Variants in GAB1 observed in about 807,000 individuals in gnomAD.
GAB1 encodes GRB2-associated-binding protein 1.
In GAB1, 19 loss-of-function variants were observed where a neutral mutation model predicts 66.5. The ratio of observed to expected loss-of-function variants is 0.29; its 90% CI spans 0.20 to 0.42. GAB1 has a LOEUF of 0.42. Ranked by LOEUF, GAB1 falls within the 10% of genes least tolerant of loss-of-function variation. The pLI is 1.00. For synonymous variants in GAB1, 294 were observed against 301.4 expected (o/e 0.98, Z 0.25); for missense variants, 732 against 858.5 (o/e 0.85, Z 1.84).
In GAB1 at chr4:143,337,172, C is replaced by T; in HGVS notation, c.-17C>T. ...CGCCCCTCAGCTGCCCGGCCCGGAGCCCGAGACGCGCGCACCATGAGCGGT... is the reference window on the plus strand; with the variant it reads ...CGCCCCTCAGCTGCCCGGCCCGGAGTCCGAGACGCGCGCACCATGAGCGGT... On this transcript the variant is annotated 5_prime_UTR_variant, in exon 1 of 10. Transcript: ENST00000262994. 6.4e-7 allele frequency: 1 copy of T among 1,566,488 alleles called. No homozygotes were observed.
chr4:143,354,533 A>G (rs1729364343), intron 1 of GAB1, among the ~76,000 whole-genome samples: 1 of 152,154 alleles, frequency 6.6e-6, no homozygotes, highest in Non-Finnish European at 1.5e-5. Context: ...AAAGGGTTAC[A>G]AAATATTAGG....
chr4:143,457,770 G>GT, intron 6 of GAB1: 1 of 1,523,918 alleles, frequency 6.6e-7, no homozygotes, highest in Non-Finnish European at 8.9e-7. Context: ...AGAAGAAAGG[G>GT]TATGTACTTT....
intron 1 of GAB1, among the ~76,000 whole-genome samples, chr4:143,371,056 A>G (rs1730100612): frequency 6.6e-6 from 1 of 152,216 alleles, no homozygotes; most frequent in Admixed American, 6.5e-5. Context: ...TCCTTTGGGT[A>G]TATACCCAGT....
chr4:143,344,105 T>TAC (rs1322514057), intron 1 of GAB1, among the ~76,000 whole-genome samples: 2 of 152,202 alleles, frequency 1.3e-5, no homozygotes, highest in Non-Finnish European at 2.9e-5. Flanking sequence ...GCAGTTAGTT[T>TAC]ACAACAGAGA....
chr4:143,465,044 A>C (rs1307508448), intron 8 of GAB1, among the ~76,000 whole-genome samples: 1 of 152,226 alleles, frequency 6.6e-6, no homozygotes, highest in East Asian at 1.9e-4. Context: ...AACAGTGCAC[A>C]AGGATGAAAT....
chr4:143,409,433 T>G (rs1560749181), intron 1 of GAB1, among the ~76,000 whole-genome samples: 6 of 146,830 alleles, frequency 4.1e-5, no homozygotes. Context: ...AGTGGCTGTC[T>G]GTGATGATTA....
intron 1 of GAB1, among the ~76,000 whole-genome samples, chr4:143,399,649 T>A (rs1731652497): frequency 6.6e-6 from 1 of 152,228 alleles, no homozygotes; most frequent in African/African-American, 2.4e-5. Context: ...GCTCCTTCTC[T>A]ATACTGTGGC....
intron 1 of GAB1, among the ~76,000 whole-genome samples, chr4:143,365,730 C>G (rs924866507): frequency 3.9e-5 from 6 of 152,214 alleles, no homozygotes; most frequent in African/African-American, 1.2e-4. Context: ...CTTAAGGGAG[C>G]TTTCGTGGCT....
rs150180808 is a variant in GAB1 at position 143,452,896 on chromosome 4, A to G, written c.1586-6489A>G. Among the ~76,000 whole-genome samples the G allele has an allele frequency of 5.6e-3, 850 of 152,250 alleles. 10 individuals are homozygous for G. The highest frequency in any genetic ancestry group is 0.019 in the African/African-American group (798 of 41,526). ...TTCTCAGAATTTAAGAGTCACCAAA[A>G]TTGGTTTATTTTTGCCTTTGCTTTA... On this transcript the variant is annotated intron_variant, in intron 6 of 9. Transcript: ENST00000262994.
rs1734390954 is a variant in GAB1 at position 143,444,253 on chromosome 4, T to C, written c.1585+3871T>C. ...CCCCCATCTCTGTCTAGTCTCTGTC[T>C]AGCATGATGCAGCAGCTGTGTGAGC... On this transcript the variant is annotated intron_variant, in intron 6 of 9. Coordinates refer to ENST00000262994, the MANE Select transcript of GAB1 (RefSeq NM_002039.4). Among the ~76,000 whole-genome samples the C allele has an allele frequency of 2.6e-5, 4 of 152,220 alleles. No homozygotes were observed. The South Asian group carries it at 8.3e-4, about 31-fold the overall frequency.
chr4:143,341,052 T>G (rs1271101320), intron 1 of GAB1, among the ~76,000 whole-genome samples: 1 of 152,244 alleles, frequency 6.6e-6, no homozygotes, highest in Non-Finnish European at 1.5e-5. Flanking sequence ...TTTTCTATAT[T>G]CGCAAAAGGT....
intron 2 of GAB1, among the ~76,000 whole-genome samples, chr4:143,427,698 A>C (rs1733439553): frequency 6.6e-6 from 1 of 152,210 alleles, no homozygotes; most frequent in Non-Finnish European, 1.5e-5. Context: ...CGTGTCCCAT[A>C]GTACAGAGAC....
intron 1 of GAB1, among the ~76,000 whole-genome samples, chr4:143,373,203 C>T (rs1218983487): frequency 6.6e-6 from 1 of 152,212 alleles, no homozygotes; most frequent in African/African-American, 2.4e-5. Flanking sequence ...CATCTCATCG[C>T]TGTCTGTGCA....
At position 143,422,159 on chromosome 4, in the gene GAB1, A is replaced by C. The variant is rs577623838; in HGVS notation, c.367+6388A>C. 1.4e-4 allele frequency among the ~76,000 whole-genome samples: 21 copies of C among 152,328 alleles called. No homozygotes were observed. The Middle Eastern group carries it at 0.01, about 74-fold the overall frequency. On this transcript the variant is annotated intron_variant, in intron 2 of 9. Coordinates refer to ENST00000262994, the MANE Select transcript of GAB1 (RefSeq NM_002039.4). The stretch of plus-strand genomic sequence containing the variant: ...GGTATGTTAGTATTAATGATAATGC[A>C]TACTCTTTGTAGACCCTTATTTGCT...
At chr4:143,362,732 T>C (rs1729715288) in intron 1 of GAB1, among the ~76,000 whole-genome samples, 1 of 152,212 alleles carries the variant, frequency 6.6e-6, no homozygotes, top group African/African-American at 2.4e-5. Context: ...TGGTGGGTTT[T>C]GGCCAGCCTT....
intron 1 of GAB1, among the ~76,000 whole-genome samples, chr4:143,404,950 A>G (rs1731965540): frequency 6.6e-6 from 1 of 152,230 alleles, no homozygotes; most frequent in African/African-American, 2.4e-5. Flanking sequence ...GTTGGACAGC[A>G]CTGCTCCAAA....
intron 1 of GAB1, among the ~76,000 whole-genome samples, chr4:143,361,067 T>C (rs774216427): frequency 6.6e-6 from 1 of 152,310 alleles, no homozygotes; most frequent in Non-Finnish European, 1.5e-5. Context: ...GGCATCACTG[T>C]TTCTGTTGGC....
intron 1 of GAB1, among the ~76,000 whole-genome samples, chr4:143,412,821 G>A (rs1249915425): frequency 6.6e-6 from 1 of 152,082 alleles, no homozygotes; most frequent in Non-Finnish European, 1.5e-5. Context: ...ATTATTGGAG[G>A]GGGAAAAGTG....
intron 1 of GAB1, among the ~76,000 whole-genome samples, chr4:143,404,575 C>T (rs1303141287): frequency 6.6e-6 from 1 of 152,146 alleles, no homozygotes; most frequent in Non-Finnish European, 1.5e-5. Flanking sequence ...CCCACTGAGA[C>T]CTCATCTCTT....
Sources: allele counts gnomAD v4.1 joint callset (sites outside exome capture counted in the v4.1 genomes callset), GRCh38; gene constraint gnomAD v4.1.1; transcripts MANE v1.5; gene names NCBI Gene and HGNC (gene_info 2026-07-23, HGNC 2026-07-21).